Variants in GEN1 observed in about 807,000 individuals in gnomAD.
The protein encoded by GEN1 is GEN1 structure-specific endonuclease.
GEN1 carries 64 observed loss-of-function variants against 67.6 expected under a neutral mutation model. That is an observed-to-expected ratio of 0.95 (90% CI 0.77 to 1.17). The LOEUF (loss-of-function observed/expected upper bound fraction) is 1.17, where lower values mean the gene tolerates loss of function less well. Ranked by LOEUF, GEN1 falls within the 50% of genes most tolerant of loss-of-function variation. The probability of loss-of-function intolerance (pLI) is 0.00; values close to 1 mark genes in which losing one functional copy is unlikely to be tolerated. For synonymous variants in GEN1, 371 were observed against 359.4 expected (o/e 1.03, Z -0.37); for missense variants, 1,058 against 1,048.3 (o/e 1.01, Z -0.13).
intron 11 of GEN1, 101 bp downstream of exon 11, chr2:17,774,502 G>T: frequency 1.2e-6 from 1 of 868,610 alleles, no homozygotes; most frequent in Non-Finnish European, 1.7e-6. Flanking sequence ...AAAGGTGGAG[G>T]AAAGGCCTCC....
At chr2:17,764,072 C>T (rs1288536723) in intron 3 of GEN1, among the ~76,000 whole-genome samples, 1 of 152,180 alleles carries the variant, frequency 6.6e-6, no homozygotes, top group East Asian at 1.9e-4. Flanking sequence ...GGCCAGACTA[C>T]AAGCTACCCA....
At chr2:17,753,371 C>CCTGGGAG (rs1487450769), upstream of GEN1, among the ~76,000 whole-genome samples, 5 of 51,430 alleles carry the variant, frequency 9.7e-5, no homozygotes, top group Admixed American at 1.4e-4. Flanking sequence ...GGGGACGGCC[C>CCTGGGAG]GGAGCAGACG....
intron 11 of GEN1, among the ~76,000 whole-genome samples, chr2:17,777,323 CATG>C (rs551982918): frequency 9.2e-5 from 14 of 151,782 alleles, no homozygotes; most frequent in Middle Eastern, 3.2e-3. Context: ...ATGATTAATA[CATG>C]ATGATGATGA....
intron 11 of GEN1, among the ~76,000 whole-genome samples, chr2:17,774,770 C>T (rs192325824): frequency 1.1e-4 from 17 of 150,142 alleles, no homozygotes; most frequent in Non-Finnish European, 2.1e-4. Flanking sequence ...GGAGGTAAAT[C>T]GCTTCAGAGA....
intron 7 of GEN1, 127 bp from the exon 8 acceptor site, chr2:17,772,507 T>C: frequency 1.6e-6 from 1 of 638,256 alleles, no homozygotes; most frequent in Non-Finnish European, 2.6e-6. Context: ...TTGAAACCTT[T>C]CTATATGCTA....
Position 17,782,140 on chromosome 2 carries a change from C to G in GEN1, c.*201C>G. On this transcript the variant is annotated 3_prime_UTR_variant, in exon 14 of 14. Transcript: ENST00000381254. ...AAAAGATCCTCTGTATTGAAAACTT[C>G]TGATAATGTATGTCATTATGTCCTT... 2.3e-6 allele frequency: 1 copy of G among 443,994 alleles called. No homozygotes were observed. The allele number at this position is 443,994 out of a possible 1,614,324, so 27.5% of individuals were successfully genotyped here. A position where few individuals can be genotyped will look rare whatever the true frequency, so the allele number is the denominator to read the frequency against.
rs2125178910 is a variant in GEN1, at chr2:17,781,112, T to C, written c.1900T>C (p.Cys634Arg). ...GFENIPEQLSCESERYTANIK... is the reference protein window; with the variant it reads ...GFENIPEQLSRESERYTANIK... ...TGAAAATATCCCAGAACAACTGTCCTGTGAATCAGAAAGGTACACTGCAAA... is the reference window on the plus strand; with the variant it reads ...TGAAAATATCCCAGAACAACTGTCCCGTGAATCAGAAAGGTACACTGCAAA... Residue 634 changes from cysteine to arginine, a missense_variant, in exon 14 of 14, where the codon TGT (cysteine) becomes CGT (arginine). Physicochemically the swap from Cys to Arg is radical, Grantham distance 180. Transcript: ENST00000381254. 6.2e-7 allele frequency: 1 copy of C among 1,613,734 alleles called. No homozygotes were observed. Among genetic ancestry groups the C allele is most frequent in the Non-Finnish European group, 8.5e-7 (1 of 1,179,686 alleles).
rs531130654 is a variant in GEN1 at position 17,781,776 on chromosome 2, G to A, written c.2564G>A (p.Arg855Lys). Residue 855 changes from arginine to lysine, a missense_variant, in exon 14 of 14, where the codon AGA becomes AAA. By Grantham distance (26) the Arg-to-Lys change is conservative. Transcript: ENST00000381254. ...ATTAAAGAAACTGAACAGTGTGTCA[G>A]ATCTTATGAAACAGCTGAAAATGAA... The part of the protein sequence containing the change: ...IHIKETEQCV[R>K]SYETAENEES... 2.4e-5 allele frequency: 38 copies of A among 1,612,144 alleles called. No individual in the cohort carries two copies. In the Admixed American group the frequency reaches 2.7e-4, roughly 11 times the overall value.
At chr2:17,765,637 C>T (rs189470168) in intron 4 of GEN1, among the ~76,000 whole-genome samples, 9 of 152,284 alleles carry the variant, frequency 5.9e-5, no homozygotes, top group Admixed American at 3.9e-4. Context: ...TTCTGCCAGA[C>T]ATTTCTGCTA....
At chr2:17,755,233 C>T (rs923060369) in intron 1 of GEN1, 2 of 152,204 alleles carry the variant, frequency 1.3e-5, no homozygotes, top group African/African-American at 4.8e-5. Flanking sequence ...GTTGGGAGGT[C>T]CCTACTTACA....
At chr2:17,763,016 C>T (rs551481074) in intron 3 of GEN1, among the ~76,000 whole-genome samples, 74 of 152,256 alleles carry the variant, frequency 4.9e-4, no homozygotes, top group African/African-American at 1.7e-3. Flanking sequence ...TATTTTTAGT[C>T]TCCCTTTGGG....
Position 17,780,956 on chromosome 2 carries a change from G to T in GEN1, c.1744G>T (p.Asp582Tyr). The T allele has an allele frequency of 6.2e-7, 1 of 1,613,540 alleles. No individual in the cohort carries two copies. The highest frequency in any genetic ancestry group is 1.3e-5 in the African/African-American group (1 of 74,984). The change falls in exon 14 of 14, where the codon GAT becomes TAT. Residue 582 changes from aspartate to tyrosine, a missense_variant. Asp to Tyr is a radical substitution (Grantham distance 160, BLOSUM62 -3). Transcript: ENST00000381254. The stretch of plus-strand genomic sequence containing the variant: ...ATCTCATAATATATCCGTGATTGCT[G>T]ATCTACACTTGAGCACTATTGACTG... ...TSSHNISVIA[D>Y]LHLSTIDWEG...
At chr2:17,774,063 T>C (rs1016885068) in intron 10 of GEN1, among the ~76,000 whole-genome samples, 5 of 152,120 alleles carry the variant, frequency 3.3e-5, no homozygotes, top group African/African-American at 1.2e-4. Flanking sequence ...CTAAGAAATA[T>C]CATCCTGGCG....
intron 8 of GEN1, 82 bp downstream of exon 8, chr2:17,772,866 TC>T: frequency 7.7e-7 from 1 of 1,296,258 alleles, no homozygotes; most frequent in Non-Finnish European, 1.1e-6. Context: ...ATATAATCTT[TC>T]CCCATATCTA....
chr2:17,758,098 C>T (rs552500778), intron 1 of GEN1, among the ~76,000 whole-genome samples: 1 of 152,080 alleles, frequency 6.6e-6, no homozygotes, highest in Non-Finnish European at 1.5e-5. Flanking sequence ...CCATAATTTA[C>T]TTAATTAGTC....
intron 5 of GEN1, among the ~76,000 whole-genome samples, chr2:17,767,642 T>A (rs1671992051): frequency 6.6e-6 from 1 of 152,200 alleles, no homozygotes; most frequent in Non-Finnish European, 1.5e-5. Flanking sequence ...ATAATTAAAA[T>A]CTATAAACAG....
intron 11 of GEN1, among the ~76,000 whole-genome samples, 173 bp from the exon 12 acceptor site, chr2:17,777,829 C>G (rs1244119003): frequency 6.6e-6 from 1 of 151,814 alleles, no homozygotes; most frequent in Non-Finnish European, 1.5e-5. Flanking sequence ...GTAATAAACT[C>G]TATGTACCTA....
intron 11 of GEN1, among the ~76,000 whole-genome samples, chr2:17,775,193 G>C (rs188840733): frequency 2.0e-5 from 3 of 152,270 alleles, no homozygotes; most frequent in East Asian, 3.9e-4. Context: ...GTAAGCAACA[G>C]AAGGCAAAAT....
chr2:17,770,262 A>C (rs964604054), intron 6 of GEN1, among the ~76,000 whole-genome samples: 1 of 152,154 alleles, frequency 6.6e-6, no homozygotes, highest in African/African-American at 2.4e-5. Context: ...TTATTTTATA[A>C]TTATCTATTA....
Sources: allele counts gnomAD v4.1 joint callset (sites outside exome capture counted in the v4.1 genomes callset), GRCh38; gene constraint gnomAD v4.1.1; transcripts MANE v1.5; gene names NCBI Gene and HGNC (gene_info 2026-07-23, HGNC 2026-07-21).